Variants in TLE3 observed in about 807,000 individuals in gnomAD.
TLE3 encodes the protein TLE family member 3, transcriptional corepressor, also known as transducin-like enhancer protein 3.
TLE3 carries 14 observed loss-of-function variants against 93.0 expected under a neutral mutation model. The ratio of observed to expected loss-of-function variants is 0.15; its 90% CI spans 0.10 to 0.24. The LOEUF (loss-of-function observed/expected upper bound fraction) is 0.24. TLE3 is among the 10% of genes least tolerant of loss of function. TLE3 has a pLI of 1.00. For synonymous variants in TLE3, 451 were observed against 425.0 expected, an observed-to-expected ratio of 1.06 and a Z score of -0.75; for missense variants, 693 against 1,046.6, an observed-to-expected ratio of 0.66 and a Z score of 4.66.
At chr15:70,065,978 TGCCCC>T in intron 7 of TLE3, 31 bp downstream of exon 7, 1 of 686,806 alleles carries the variant, frequency 1.5e-6, no homozygotes, top group Non-Finnish European at 2.5e-6. Context: ...TGCCCACCCC[TGCCCC>T]GCCCCACCCT....
chr15:70,078,871 A>G (rs535543524), intron 4 of TLE3, among the ~76,000 whole-genome samples: 26 of 152,280 alleles, frequency 1.7e-4, no homozygotes, highest in Admixed American at 1.7e-3. Context: ...GTGATTATAA[A>G]AGGGTTCTGG....
At chr15:70,082,138 GAATACCACGTCTGGGC>G (rs374663544) in intron 4 of TLE3, among the ~76,000 whole-genome samples, 212 of 152,250 alleles carry the variant, frequency 1.4e-3, no homozygotes, top group African/African-American at 4.9e-3. Flanking sequence ...CCCAGATTCA[GAATACCACGTCTGGGC>G]AATTTTAACT....
In TLE3 at chr15:70,097,441, T is replaced by C. The variant is rs1471439042; in HGVS notation, c.-643A>G. The C allele has an allele frequency of 4.8e-6, 2 of 417,476 alleles. No homozygotes were observed. The highest frequency in any genetic ancestry group is 2.1e-5 in the African/African-American group (1 of 48,750). 25.9% of individuals were successfully genotyped at this position (417,476 alleles called of 1,614,324 possible). ...GGAGAGGAGAGCCTGCTGTTCCGTC[T>C]GCTACTGCCGCTGCCGCCGCCGCCG... On this transcript the variant is annotated 5_prime_UTR_variant, in exon 1 of 20. Coordinates refer to ENST00000451782, the MANE Select transcript of TLE3 (RefSeq NM_001105192.3).
intron 14 of TLE3, chr15:70,055,554 T>C (rs1202271351): frequency 4.9e-6 from 2 of 410,918 alleles, no homozygotes; most frequent in African/African-American, 4.1e-5. Flanking sequence ...CCCACAGGTG[T>C]CCTGGAATGC....
chr15:70,065,199 A>T (rs2056740312), intron 7 of TLE3, among the ~76,000 whole-genome samples: 1 of 152,238 alleles, frequency 6.6e-6, no homozygotes, highest in African/African-American at 2.4e-5. Context: ...TAGTGCTCAG[A>T]AGGTGTTGGC....
intron 4 of TLE3, among the ~76,000 whole-genome samples, chr15:70,091,452 C>T (rs2058304136): frequency 6.6e-6 from 1 of 152,196 alleles, no homozygotes; most frequent in South Asian, 2.1e-4. Flanking sequence ...AGTGATGAGC[C>T]GGTCAGTCAT....
In TLE3 at chr15:70,055,247, G is replaced by T. The variant is rs748518029; in HGVS notation, c.1380C>A (p.Phe460Leu). Residue 460 changes from phenylalanine (F) to leucine (L), a missense_variant, in exon 15 of 20, where the codon TTC (phenylalanine) becomes TTA (leucine). This residue lies in a region of TLE3 where 405 missense variants were observed against 468.9 expected (regional missense o/e 0.86). Coordinates refer to ENST00000451782, the MANE Select transcript of TLE3 (RefSeq NM_001105192.3). ...CGGGGCCTGCCAGGGCGTCGTGGGG[G>T]AAGGGCACGGGCTGCATCTGCCCAT... The part of the protein sequence containing the change: ...SADGQMQPVP[F>L]PHDALAGPGI... 1 of 1,610,372 alleles carries T rather than the reference G, an allele frequency of 6.2e-7. No homozygotes were observed. Among genetic ancestry groups the T allele is most frequent in the Non-Finnish European group, 8.5e-7 (1 of 1,178,478 alleles).
chr15:70,051,254 G>A, intron 19 of TLE3, 137 bp downstream of exon 19: 2 of 777,344 alleles, frequency 2.6e-6, no homozygotes, highest in Non-Finnish European at 4.0e-6. Flanking sequence ...AGGTAGGGGT[G>A]GGGAGGGGAC....
intron 1 of TLE3, 35 bp downstream of exon 1, chr15:70,096,740 T>C (rs1350402841): frequency 2.7e-5 from 44 of 1,611,880 alleles, no homozygotes; most frequent in Admixed American, 2.3e-4. Flanking sequence ...CCTGCCATGA[T>C]AGATGCTTAA....
chr15:70,060,793 C>CTGATGGAGCCA, intron 8 of TLE3, 144 bp from the exon 9 acceptor site: 2 of 1,421,498 alleles, frequency 1.4e-6, no homozygotes, highest in Non-Finnish European at 1.9e-6. Flanking sequence ...GATCGTGGCT[C>CTGATGGAGCCA]CATCAGAGCC....
chr15:70,097,493 CG>C lies in TLE3; in HGVS notation c.-696del. 2.4e-6 allele frequency: 1 copy of C among 408,964 alleles called. No homozygotes were observed. Among genetic ancestry groups the C allele is most frequent in the Non-Finnish European group, 4.3e-6 (1 of 232,726 alleles). The allele number at this position is 408,964 out of a possible 1,614,324, so 25.3% of individuals were successfully genotyped here. ...CGCCGCTGCAAGCCCTTCCCAGGGC[CG>C]GGGAGGAACTCCGGGCTCAGTAGGT... On this transcript the variant is annotated 5_prime_UTR_variant, in exon 1 of 20. Coordinates refer to ENST00000451782, the MANE Select transcript of TLE3 (RefSeq NM_001105192.3).
intron 8 of TLE3, among the ~76,000 whole-genome samples, chr15:70,063,143 G>T (rs371851047): frequency 3.5e-4 from 54 of 152,292 alleles, no homozygotes; most frequent in African/African-American, 1.2e-3. Flanking sequence ...CTGAGAGGTT[G>T]GTCAAGCAGG....
intron 6 of TLE3, among the ~76,000 whole-genome samples, chr15:70,069,614 G>A (rs2057023226): frequency 6.6e-6 from 1 of 152,248 alleles, no homozygotes; most frequent in South Asian, 2.1e-4. Flanking sequence ...CCTTGGGGTG[G>A]TTTGAAGGCA....
intron 7 of TLE3, 31 bp downstream of exon 7, chr15:70,065,983 C>T (rs772409231): frequency 6.8e-6 from 10 of 1,466,088 alleles, no homozygotes; most frequent in Admixed American, 1.7e-5. Flanking sequence ...ACCCCTGCCC[C>T]GCCCCACCCT....
In TLE3 at chr15:70,097,765, A is replaced by T; in HGVS notation, c.-967T>A. ...CTCTCCGCGCCCCGGCAAACCCCCA[A>T]AACACACACACCCAACACACACACA... On this transcript the variant is annotated 5_prime_UTR_variant, in exon 1 of 20. It adds an upstream start codon to the 5' untranslated region. Coordinates refer to ENST00000451782, the MANE Select transcript of TLE3 (RefSeq NM_001105192.3). The T allele has an allele frequency of 2.6e-6, 1 of 392,082 alleles. No individual in the cohort carries two copies. The highest frequency in any genetic ancestry group is 3.6e-5 in the East Asian group (1 of 27,670). The allele number at this position is 392,082 out of a possible 1,614,324, so 24.3% of individuals were successfully genotyped here.
intron 4 of TLE3, among the ~76,000 whole-genome samples, chr15:70,078,010 T>C (rs924451431): frequency 2.6e-5 from 4 of 152,226 alleles, no homozygotes; most frequent in Admixed American, 6.5e-5. Flanking sequence ...TGAGGTCAGA[T>C]AATTCACTGC....
At chr15:70,075,563 A>G (rs2057399457) in intron 5 of TLE3, among the ~76,000 whole-genome samples, 1 of 152,220 alleles carries the variant, frequency 6.6e-6, no homozygotes, top group Non-Finnish European at 1.5e-5. Context: ...GTGAAATCAG[A>G]GGACAGAAAC....
At chr15:70,095,998 G>A (rs1467198518) in intron 2 of TLE3, 163 bp downstream of exon 2, 2 of 878,428 alleles carry the variant, frequency 2.3e-6, no homozygotes, top group Non-Finnish European at 3.4e-6. Flanking sequence ...GGCAGTAAAG[G>A]GTTAAGGCGG....
chr15:70,079,594 A>C (rs1375456224), intron 4 of TLE3: 2 of 361,278 alleles, frequency 5.5e-6, no homozygotes, highest in African/African-American at 4.7e-5. Context: ...AAGGCTGCCC[A>C]ACCCTGAGAA....
Sources: gnomAD v4.1 joint callset for allele counts (sites outside exome capture counted in the v4.1 genomes callset) on GRCh38, gnomAD v4.1.1 for gene constraint, gnomAD v4.1.1 regional missense constraint, MANE v1.5 for transcripts, NCBI Gene and HGNC (gene_info 2026-07-23, HGNC 2026-07-21) for gene names.